The following CRYBG1 variants were observed in gnomAD, a reference collection of about 807,000 sequenced individuals.
The protein encoded by CRYBG1 is beta/gamma crystallin domain-containing protein 1.
CRYBG1 carries 139 observed loss-of-function variants against 189.2 expected under a neutral mutation model. That is an observed-to-expected ratio of 0.73 (90% CI 0.64 to 0.85). The LOEUF (loss-of-function observed/expected upper bound fraction) is 0.85. Ranked by LOEUF, CRYBG1 falls within the 40% of genes least tolerant of loss-of-function variation. The pLI is 0.00. For synonymous variants in CRYBG1, 1,023 were observed against 1,017.1 expected, an observed-to-expected ratio of 1.01 and a Z score of -0.11; for missense variants, 2,611 against 2,675.8, an observed-to-expected ratio of 0.98 and a Z score of 0.53.
intron 1 of CRYBG1, among the ~76,000 whole-genome samples, chr6:106,373,322 A>G (rs1770080456): frequency 6.6e-6 from 1 of 152,200 alleles, no homozygotes; most frequent in African/African-American, 2.4e-5. Flanking sequence ...TCTAGCCACA[A>G]AGTCTTAGTA....
At chr6:106,563,159 T>G (rs573601335) in intron 20 of CRYBG1, among the ~76,000 whole-genome samples, 5 of 152,226 alleles carry the variant, frequency 3.3e-5, no homozygotes, top group Non-Finnish European at 7.3e-5. Flanking sequence ...AAGGGTAGAT[T>G]CACTTCAGGG....
chr6:106,377,144 T>C (rs1376277679), intron 1 of CRYBG1, among the ~76,000 whole-genome samples: 3 of 152,178 alleles, frequency 2.0e-5, no homozygotes, highest in African/African-American at 7.2e-5. Context: ...AACCTGGGCT[T>C]TCGTGACTAT....
chr6:106,416,813 A>T (rs761918471), intron 1 of CRYBG1, among the ~76,000 whole-genome samples: 6 of 152,182 alleles, frequency 3.9e-5, no homozygotes, highest in Non-Finnish European at 8.8e-5. Context: ...ACTTTTTAAA[A>T]AGAACAGTGT....
intron 1 of CRYBG1, among the ~76,000 whole-genome samples, chr6:106,433,640 G>C (rs1771381930): frequency 6.7e-6 from 1 of 150,194 alleles, no homozygotes; most frequent in East Asian, 2.0e-4. Context: ...ACCTGGGCTA[G>C]ATCTAATTTA....
In CRYBG1 at chr6:106,408,227, A is replaced by G. The variant is rs925144000; in HGVS notation, c.174-43467A>G. Reference sequence around the variant, plus strand: ...TCCCACAGAAATACAAACTACTGTCAGAGAATATTAGAAACACTGCTATGC... The same window carrying G: ...TCCCACAGAAATACAAACTACTGTCGGAGAATATTAGAAACACTGCTATGC... On this transcript the variant is annotated intron_variant, in intron 1 of 21. Transcript: ENST00000633556. Among the ~76,000 whole-genome samples the G allele has an allele frequency of 2.0e-5, 3 of 152,248 alleles. No homozygotes were observed. In the East Asian group the frequency reaches 5.8e-4, roughly 29 times the overall value.
chr6:106,420,814 AT>A (rs1448630787), intron 1 of CRYBG1: 4 of 152,614 alleles, frequency 2.6e-5, no homozygotes, highest in African/African-American at 7.2e-5. Context: ...TTAAAAAAAA[AT>A]AATTAGAAAA....
intron 1 of CRYBG1, among the ~76,000 whole-genome samples, chr6:106,408,110 AATAG>A (rs1225625574): frequency 3.3e-5 from 5 of 152,214 alleles, no homozygotes; most frequent in Non-Finnish European, 7.3e-5. Flanking sequence ...AGATTAACAA[AATAG>A]ATAGACTGCT....
intron 1 of CRYBG1, among the ~76,000 whole-genome samples, chr6:106,417,691 C>T (rs938206856): frequency 2.0e-5 from 3 of 152,262 alleles, no homozygotes; most frequent in Non-Finnish European, 4.4e-5. Flanking sequence ...GCCTGCCACA[C>T]TCAGTCCCTT....
intron 2 of CRYBG1, among the ~76,000 whole-genome samples, chr6:106,471,750 C>A (rs1772236749): frequency 6.6e-6 from 1 of 151,442 alleles, no homozygotes; most frequent in South Asian, 2.1e-4. Flanking sequence ...TACCCCCCAG[C>A]CCCACTCCAA....
intron 2 of CRYBG1, among the ~76,000 whole-genome samples, chr6:106,508,095 T>C (rs1038931852): frequency 4.6e-5 from 7 of 152,138 alleles, no homozygotes; most frequent in African/African-American, 1.4e-4. Flanking sequence ...AGTTAAAAAT[T>C]AGCTGGGCAT....
chr6:106,369,031 A>G (rs934327288), intron 1 of CRYBG1, among the ~76,000 whole-genome samples: 9 of 152,328 alleles, frequency 5.9e-5, no homozygotes, highest in Admixed American at 5.2e-4. Context: ...AATGCTAGTA[A>G]TGTGACACAT....
chr6:106,527,772 T>G (rs1773775510), intron 7 of CRYBG1, among the ~76,000 whole-genome samples: 1 of 152,136 alleles, frequency 6.6e-6, no homozygotes, highest in South Asian at 2.1e-4. Flanking sequence ...TATGAACAGG[T>G]TTTTCATTTA....
intron 2 of CRYBG1, among the ~76,000 whole-genome samples, chr6:106,453,103 T>C (rs1771816410): frequency 6.6e-6 from 1 of 152,228 alleles, no homozygotes. Context: ...GTACTTAAAC[T>C]ACCGTTAGTG....
chr6:106,380,896 T>C (rs910173333), intron 1 of CRYBG1, among the ~76,000 whole-genome samples: 1 of 152,316 alleles, frequency 6.6e-6, no homozygotes, highest in African/African-American at 2.4e-5. Context: ...GTGCCCTTGA[T>C]GAAACGTAGA....
chr6:106,374,043 T>C (rs765429395), intron 1 of CRYBG1, among the ~76,000 whole-genome samples: 1 of 152,234 alleles, frequency 6.6e-6, no homozygotes, highest in Non-Finnish European at 1.5e-5. Flanking sequence ...GTAACTGTGA[T>C]AGTGAAACTG....
chr6:106,505,251 C>T (rs1427050485), intron 2 of CRYBG1, among the ~76,000 whole-genome samples: 1 of 152,146 alleles, frequency 6.6e-6, no homozygotes, highest in African/African-American at 2.4e-5. Flanking sequence ...CGTGCCACCA[C>T]ACCCGGCTAA....
Position 106,521,149 on chromosome 6 carries a change from T to C in CRYBG1, c.3941T>C (p.Phe1314Ser). 6.2e-7 allele frequency: 1 copy of C among 1,614,168 alleles called. No individual in the cohort carries two copies. The highest frequency in any genetic ancestry group is 8.5e-7 in the Non-Finnish European group (1 of 1,180,030). Residue 1314 changes from phenylalanine (F) to serine (S), a missense_variant, in exon 4 of 22, where the codon TTC becomes TCC. Physicochemically the swap from Phe to Ser is radical, Grantham distance 155. Around this residue, in one of 3 missense-constraint regions of CRYBG1, gnomAD observed 1,622 missense variants for 1,735.0 expected, o/e 0.93. Coordinates refer to ENST00000633556, the MANE Select transcript of CRYBG1 (RefSeq NM_001371242.2). ...LPDNSLKVFN[F>S]NSSSTSHSSL... ...GACAACTCCTTAAAGGTCTTCAATT[T>C]CAACTCGTCAAGTACATCACACTCC...
At chr6:106,526,176 A>G (rs1431203134) in intron 6 of CRYBG1, among the ~76,000 whole-genome samples, 2 of 152,200 alleles carry the variant, frequency 1.3e-5, no homozygotes, top group African/African-American at 2.4e-5. Flanking sequence ...TGGATTTACA[A>G]ATTCATAAGC....
intron 3 of CRYBG1, among the ~76,000 whole-genome samples, chr6:106,518,910 G>T (rs1773504336): frequency 6.6e-6 from 1 of 151,762 alleles, no homozygotes; most frequent in African/African-American, 2.4e-5. Flanking sequence ...AGCAATCTAT[G>T]ATCACACTGC....
Sources: allele counts gnomAD v4.1 joint callset (sites outside exome capture counted in the v4.1 genomes callset), GRCh38; gene constraint gnomAD v4.1.1; regional missense constraint gnomAD v4.1.1; transcripts MANE v1.5; gene names NCBI Gene and HGNC (gene_info 2026-07-23, HGNC 2026-07-21).